ZYX: variants seen among roughly 807,000 people sequenced by gnomAD.
The protein encoded by ZYX is zyxin.
Under a neutral mutation model 58.1 loss-of-function variants are expected in ZYX, and 37 were observed. The observed-to-expected ratio is 0.64, with a 90% CI of 0.49 to 0.84. ZYX has a LOEUF of 0.84. Ranked by LOEUF, ZYX falls within the 40% of genes least tolerant of loss-of-function variation. The pLI, the probability that ZYX is intolerant of heterozygous loss-of-function variation, is 0.00. For synonymous variants in ZYX, 324 were observed against 321.1 expected (o/e 1.01, Z -0.10); for missense variants, 762 against 761.6 (o/e 1.00, Z -0.01).
chr7:143,381,566 C>A lies in ZYX; in HGVS notation c.-6C>A. 5 of 1,609,426 alleles carry A rather than the reference C, an allele frequency of 3.1e-6. No homozygotes were observed. The highest frequency in any genetic ancestry group is 4.2e-6 in the Non-Finnish European group (5 of 1,178,386). ...CGGCGACCCACCCCAGCAGCCCGGC[C>A]CGGCCATGGCGGCCCCCCGCCCGTC... is the stretch of plus-strand genomic sequence containing the variant. On this transcript the variant is annotated 5_prime_UTR_variant, in exon 2 of 10. Coordinates refer to ENST00000322764, the MANE Select transcript of ZYX (RefSeq NM_003461.5).
intron 1 of ZYX, 30 bp from the exon 2 acceptor site, chr7:143,381,527 C>T (rs1224792712): frequency 6.3e-7 from 1 of 1,582,932 alleles, no homozygotes; most frequent in East Asian, 2.3e-5. Flanking sequence ...AGCCCGGCTC[C>T]GCGCTGCGTA....
In ZYX at chr7:143,390,594, T is replaced by C; in HGVS notation, c.1631T>C (p.Leu544Pro). 6.4e-7 allele frequency: 1 copy of C among 1,572,804 alleles called. No individual in the cohort carries two copies. Among genetic ancestry groups the C allele is most frequent in the Non-Finnish European group, 8.6e-7 (1 of 1,158,366 alleles). Residue 544 changes from leucine (L) to proline (P), a missense_variant, in exon 10 of 10, where the codon CTG becomes CCG. Transcript: ENST00000322764. The surrounding 1 kb of genome is among the most constrained non-coding windows in gnomAD (Gnocchi z 4.3). The part of the protein sequence containing the change: ...CYKCEDCGKP[L>P]SIEADDNGCF... Reference sequence around the variant, plus strand: ...TCTTCCCAGGACTGCGGGAAGCCCCTGTCGATTGAGGCAGATGACAATGGC... The same window carrying C: ...TCTTCCCAGGACTGCGGGAAGCCCCCGTCGATTGAGGCAGATGACAATGGC...
Position 143,382,406 on chromosome 7 carries a change from G to T in ZYX, c.367G>T (p.Glu123Ter). The T allele has an allele frequency of 6.3e-7, 1 of 1,581,294 alleles. No homozygotes were observed. ...CCCTTCCCCGCCGCCTCCTCCGGAG[G>T]AGGAGGGAGGGCCTGAGGCCCCCAT... ...IFPSPPPPPE[E>*]EGGPEAPIPP... Residue 123 changes from glutamate (E) to a stop codon, truncating the protein, a stop_gained, in exon 3 of 10, where the codon GAG (glutamate) becomes TAG (stop). Transcript: ENST00000322764. LOFTEE classifies it high-confidence loss of function.
intron 1 of ZYX, 66 bp downstream of exon 1, chr7:143,381,475 G>A: frequency 7.2e-7 from 1 of 1,385,382 alleles, no homozygotes; most frequent in South Asian, 1.6e-5. Flanking sequence ...GAGGGGGCGA[G>A]TGGGGGTCAC....
chr7:143,388,089 G>A lies in ZYX; in HGVS notation c.1024-130G>A, dbSNP rs1234351624. Reference sequence around the variant, plus strand: ...TAGGGGGACGAGGGAGAAGCTTTAAGGGTCAAGCCTGAGCATCTGGGACAC... The same window carrying A: ...TAGGGGGACGAGGGAGAAGCTTTAAAGGTCAAGCCTGAGCATCTGGGACAC... On this transcript the variant is annotated intron_variant, in intron 5 of 9. Transcript: ENST00000322764. The surrounding 1 kb of genome is among the most constrained non-coding windows in gnomAD (Gnocchi z 7.5). 2 of 1,147,026 alleles carry A rather than the reference G, an allele frequency of 1.7e-6. No homozygotes were observed. Among genetic ancestry groups the A allele is most frequent in the South Asian group, 1.6e-5 (1 of 62,980 alleles). 71.1% of individuals were successfully genotyped at this position (1,147,026 alleles called of 1,614,324 possible). A position where few individuals can be genotyped will look rare whatever the true frequency, so the allele number is the denominator to read the frequency against.
Position 143,387,861 on chromosome 7 carries a change from G to A in ZYX, c.1024-358G>A. 2.0e-6 allele frequency: 1 copy of A among 491,030 alleles called. No individual in the cohort carries two copies. Among genetic ancestry groups the A allele is most frequent in the Non-Finnish European group, 4.1e-6 (1 of 242,666 alleles). 30.4% of individuals were successfully genotyped at this position (491,030 alleles called of 1,614,324 possible). A position where few individuals can be genotyped will look rare whatever the true frequency, so the allele number is the denominator to read the frequency against. The stretch of plus-strand genomic sequence containing the variant: ...TGGGGGCGATGTCCGAGCATGCTCT[G>A]TGGAGTTGATGCGTGGCCCTGGAGT... On this transcript the variant is annotated intron_variant, in intron 5 of 9. Transcript: ENST00000322764. This position sits in a 1 kb window ranked among gnomAD's most constrained non-coding sequence, Gnocchi z 5.8.
Position 143,388,585 on chromosome 7 carries a change from AGT to A in ZYX, c.1245_1246del (p.Gln417AlafsTer22). 6 of 1,612,486 alleles carry A rather than the reference AGT, an allele frequency of 3.7e-6. No homozygotes were observed. Among genetic ancestry groups the A allele is most frequent in the Non-Finnish European group, 5.1e-6 (6 of 1,179,926 alleles). On this transcript the variant is annotated frameshift_variant, in exon 7 of 10. Transcript: ENST00000322764. LOFTEE classifies it high-confidence loss of function. The surrounding 1 kb of genome is among the most constrained non-coding windows in gnomAD (Gnocchi z 7.5). Reference sequence around the variant, plus strand: ...CACATCGCCTGCTTCACCTGCCACCAGTGTGCGCAGCAGCTCCAGGGCCAGCA... The same window carrying A: ...CACATCGCCTGCTTCACCTGCCACCAGTGCGCAGCAGCTCCAGGGCCAGCA...
In ZYX at chr7:143,388,976, C is replaced by G. The variant is rs771714911; in HGVS notation, c.1493+31C>G. The G allele has an allele frequency of 6.3e-7, 1 of 1,588,552 alleles. No homozygotes were observed. Among genetic ancestry groups the G allele is most frequent in the Non-Finnish European group, 8.6e-7 (1 of 1,166,960 alleles). On this transcript the variant is annotated intron_variant, in intron 8 of 9. Transcript: ENST00000322764. The surrounding 1 kb of genome is among the most constrained non-coding windows in gnomAD (Gnocchi z 7.5). ...GACCTGCCACCTGCCTTCTGGGTTC[C>G]CGGCGTGCTTGGTCTGGTAGCCCGG...
At position 143,385,620 on chromosome 7, in the gene ZYX, T is replaced by TATATGTG. The variant is rs151096629; in HGVS notation, c.1023+2300_1023+2306dup. Among the ~76,000 whole-genome samples the TATATGTG allele has an allele frequency of 2.9e-3, 441 of 150,904 alleles. 3 individuals are homozygous for TATATGTG. Among genetic ancestry groups the TATATGTG allele is most frequent in the African/African-American group, 0.01 (414 of 41,114 alleles). ...AATACACACAAGTGGCGTATGTGTA[T>TATATGTG]ATATGTGAGTGGTGTGTGTGAGCGT... On this transcript the variant is annotated intron_variant, in intron 5 of 9. Transcript: ENST00000322764.
At position 143,388,559 on chromosome 7, in the gene ZYX, C is replaced by A. The variant is rs758330921; in HGVS notation, c.1215C>A (p.Phe405Leu). Residue 405 changes from phenylalanine (F) to leucine (L), a missense_variant, in exon 7 of 10, where the codon TTC becomes TTA. Phe to Leu is a conservative substitution (Grantham distance 22). Coordinates refer to ENST00000322764, the MANE Select transcript of ZYX (RefSeq NM_003461.5). This position sits in a 1 kb window ranked among gnomAD's most constrained non-coding sequence, Gnocchi z 7.5. ...CCGTCCGCGCTCTAGGGCAGCTGTTCCACATCGCCTGCTTCACCTGCCACC... is the reference window on the plus strand; with the variant it reads ...CCGTCCGCGCTCTAGGGCAGCTGTTACACATCGCCTGCTTCACCTGCCACC... Reference protein sequence around the residue: ...QPAVRALGQLFHIACFTCHQC... With the variant: ...QPAVRALGQLLHIACFTCHQC... 6.2e-7 allele frequency: 1 copy of A among 1,611,810 alleles called. No homozygotes were observed. Among genetic ancestry groups the A allele is most frequent in the South Asian group, 1.1e-5 (1 of 91,086 alleles).
rs1306774451 is a variant in ZYX, at chr7:143,390,708, C to A, written c.*26C>A. On this transcript the variant is annotated 3_prime_UTR_variant, in exon 10 of 10. Coordinates refer to ENST00000322764, the MANE Select transcript of ZYX (RefSeq NM_003461.5). This position sits in a 1 kb window ranked among gnomAD's most constrained non-coding sequence, Gnocchi z 4.3. ...GTGAGGACAGGCCCTCTTCAGACCG[C>A]AGTCCATGCCCCATTGTGGACCACC... is the stretch of plus-strand genomic sequence containing the variant. 1 of 1,523,360 alleles carries A rather than the reference C, an allele frequency of 6.6e-7. No individual in the cohort carries two copies. The highest frequency in any genetic ancestry group is 8.9e-7 in the Non-Finnish European group (1 of 1,120,502). 94.4% of individuals were successfully genotyped at this position (1,523,360 alleles called of 1,614,324 possible).
chr7:143,386,564 G>T (rs977071575), intron 5 of ZYX, among the ~76,000 whole-genome samples: 1 of 152,162 alleles, frequency 6.6e-6, no homozygotes, highest in African/African-American at 2.4e-5. Context: ...GCAGAAACAG[G>T]AAGAGGGTGG....
In ZYX at chr7:143,390,056, G is replaced by GAAAGC; in HGVS notation, c.1614+81_1614+85dup. The GAAAGC allele has an allele frequency of 6.3e-7, 1 of 1,577,434 alleles. No homozygotes were observed. Among genetic ancestry groups the GAAAGC allele is most frequent in the Non-Finnish European group, 8.6e-7 (1 of 1,156,078 alleles). Reference sequence around the variant, plus strand: ...GATGCTGCTTACTAACTGGGAGGTGGAAAGCACCAGCATTCAGGAAACAGG... The same window carrying GAAAGC: ...GATGCTGCTTACTAACTGGGAGGTGGAAAGCAAAGCACCAGCATTCAGGAAACAGG... On this transcript the variant is annotated intron_variant, in intron 9 of 9. Coordinates refer to ENST00000322764, the MANE Select transcript of ZYX (RefSeq NM_003461.5). This position sits in a 1 kb window ranked among gnomAD's most constrained non-coding sequence, Gnocchi z 4.3.
Position 143,382,701 on chromosome 7 carries a change from G to C in ZYX, c.501+16G>C. 2 of 1,614,116 alleles carry C rather than the reference G, an allele frequency of 1.2e-6. No homozygotes were observed. Among genetic ancestry groups the C allele is most frequent in the Non-Finnish European group, 1.7e-6 (2 of 1,179,992 alleles). On this transcript the variant is annotated intron_variant, in intron 4 of 9. Coordinates refer to ENST00000322764, the MANE Select transcript of ZYX (RefSeq NM_003461.5). ...CAAAGCCCGGGTAAGGGACCGGAGA[G>C]TAGGAAAAGCAGGGCTCAGGGCCAG...
At position 143,390,991 on chromosome 7, in the gene ZYX, C is replaced by T. The variant is rs559211465; in HGVS notation, c.*309C>T. 30 of 399,326 alleles carry T rather than the reference C, an allele frequency of 7.5e-5. No homozygotes were observed. The East Asian group carries it at 1.2e-3, about 17-fold the overall frequency. 24.7% of individuals were successfully genotyped at this position (399,326 alleles called of 1,614,324 possible). On this transcript the variant is annotated 3_prime_UTR_variant, in exon 10 of 10. Transcript: ENST00000322764. This position sits in a 1 kb window ranked among gnomAD's most constrained non-coding sequence, Gnocchi z 4.3. Reference sequence around the variant, plus strand: ...GCACCCGCGCCCTCGGCCGGCCCCCCGAGCAGCCTTTGTACTCTGCTTGCG... The same window carrying T: ...GCACCCGCGCCCTCGGCCGGCCCCCTGAGCAGCCTTTGTACTCTGCTTGCG...
rs1186726196 is a variant in ZYX, at chr7:143,388,560, C to T, written c.1216C>T (p.His406Tyr). Reference sequence around the variant, plus strand: ...CGTCCGCGCTCTAGGGCAGCTGTTCCACATCGCCTGCTTCACCTGCCACCA... The same window carrying T: ...CGTCCGCGCTCTAGGGCAGCTGTTCTACATCGCCTGCTTCACCTGCCACCA... ...PAVRALGQLFHIACFTCHQCA... is the reference protein window; with the variant it reads ...PAVRALGQLFYIACFTCHQCA... Residue 406 changes from histidine (H) to tyrosine (Y), a missense_variant, in exon 7 of 10, where the codon CAC (histidine) becomes TAC (tyrosine). Physicochemically the swap from His to Tyr is moderately conservative, Grantham distance 83 (BLOSUM62 2). Transcript: ENST00000322764. The surrounding 1 kb of genome is among the most constrained non-coding windows in gnomAD (Gnocchi z 7.5). The T allele has an allele frequency of 1.9e-6, 3 of 1,611,868 alleles. No homozygotes were observed. Among genetic ancestry groups the T allele is most frequent in the Non-Finnish European group, 2.5e-6 (3 of 1,179,974 alleles).
chr7:143,387,591 G>T lies in ZYX; in HGVS notation c.1024-628G>T, dbSNP rs1300196879. Among the ~76,000 whole-genome samples the T allele has an allele frequency of 6.6e-6, 1 of 152,184 alleles. No homozygotes were observed. The highest frequency in any genetic ancestry group is 6.5e-5 in the Admixed American group (1 of 15,284). On this transcript the variant is annotated intron_variant, in intron 5 of 9. Transcript: ENST00000322764. This position sits in a 1 kb window ranked among gnomAD's most constrained non-coding sequence, Gnocchi z 5.8. ...TGGGAAGGTTGGGCTGGCCTAGGGG[G>T]TGGCCTTTGGACCTTCTCTGAGGCT...
At chr7:143,386,933 G>A (rs910195812) in intron 5 of ZYX, among the ~76,000 whole-genome samples, 16 of 152,072 alleles carry the variant, frequency 1.1e-4, no homozygotes, top group African/African-American at 1.4e-4. Flanking sequence ...TGATGAATGG[G>A]GATACCCATG....
rs992905741 is a variant in ZYX at position 143,381,355 on chromosome 7, C to T, written c.-70C>T. On this transcript the variant is annotated 5_prime_UTR_variant, in exon 1 of 10. Transcript: ENST00000322764. ...GCTCCGGACCGGGACGCAGAGTCTGCGGACCCGGCGCCGAGGCGGCCACCC... is the reference window on the plus strand; with the variant it reads ...GCTCCGGACCGGGACGCAGAGTCTGTGGACCCGGCGCCGAGGCGGCCACCC... 8 of 1,151,600 alleles carry T rather than the reference C, an allele frequency of 6.9e-6. No individual in the cohort carries two copies. In the African/African-American group the frequency reaches 1.1e-4, roughly 16 times the overall value. 71.3% of individuals were successfully genotyped at this position (1,151,600 alleles called of 1,614,324 possible).
Sources: gnomAD v4.1 joint callset for allele counts (sites outside exome capture counted in the v4.1 genomes callset) on GRCh38, gnomAD v4.1.1 for gene constraint, Gnocchi (gnomAD v3.1) non-coding constraint, MANE v1.5 for transcripts, NCBI Gene and HGNC (gene_info 2026-07-23, HGNC 2026-07-21) for gene names.